The following GRIN3B variants were observed in gnomAD, a reference collection of about 807,000 sequenced individuals.
The protein encoded by GRIN3B is glutamate receptor ionotropic, NMDA 3B.
A neutral mutation model predicts 66.0 loss-of-function variants in GRIN3B; 77 were observed. The ratio of observed to expected loss-of-function variants is 1.17; its 90% CI spans 0.97 to 1.41. The LOEUF (loss-of-function observed/expected upper bound fraction) is 1.41, where lower values mean the gene tolerates loss of function less well. GRIN3B is among the 40% of genes most tolerant of loss of function. The pLI is 0.00. For synonymous variants in GRIN3B, 823 were observed against 749.7 expected (o/e 1.10, Z -1.60); for missense variants, 1,787 against 1,564.5 (o/e 1.14, Z -2.40).
Position 1,005,330 on chromosome 19 carries a change from G to C in GRIN3B, c.1829G>C (p.Arg610Pro). 3.7e-6 allele frequency: 6 copies of C among 1,613,760 alleles called. No individual in the cohort carries two copies. The highest frequency in any genetic ancestry group is 5.1e-6 in the Non-Finnish European group (6 of 1,180,010). The change falls in exon 3 of 9, where the codon CGC (arginine) becomes CCC (proline). Residue 610 changes from arginine (R) to proline (P), a missense_variant. Coordinates refer to ENST00000234389, the MANE Select transcript of GRIN3B (RefSeq NM_138690.3). The surrounding 1 kb of genome is among the most constrained non-coding windows in gnomAD (Gnocchi z 5.2). ...PYGLTPRGRNRSTVFSYSSAL... is the reference protein window; with the variant it reads ...PYGLTPRGRNPSTVFSYSSAL... The stretch of plus-strand genomic sequence containing the variant: ...GGCCTCACGCCACGTGGCCGCAACC[G>C]CAGCACCGTCTTCTCCTACTCCTCA...
intron 2 of GRIN3B, 141 bp from the exon 3 acceptor site, chr19:1,004,380 T>C: frequency 1.4e-6 from 1 of 729,114 alleles, no homozygotes. Context: ...GGACTAGGCT[T>C]GGGGACACCA....
rs762646437 is a variant in GRIN3B, at chr19:1,008,235, CACG to C, written c.2413_2415del (p.Asp805del). 1.9e-5 allele frequency: 31 copies of C among 1,612,416 alleles called. No individual in the cohort carries two copies. The highest frequency in any genetic ancestry group is 4.0e-5 in the African/African-American group (3 of 74,726). ...GTCCTCCGGCTTCATCGACCTGCTC[CACG>C]ACAAGTGGTACAAGATGGTGCCTTG... On this transcript the variant is annotated inframe_deletion, in exon 6 of 9. Transcript: ENST00000234389.
In GRIN3B at chr19:1,009,432, C is replaced by T; in HGVS notation, c.2962C>T (p.Arg988Cys). The T allele has an allele frequency of 2.1e-6, 3 of 1,456,110 alleles. No homozygotes were observed. Among genetic ancestry groups the T allele is most frequent in the Non-Finnish European group, 2.7e-6 (3 of 1,110,762 alleles). 90.2% of individuals were successfully genotyped at this position (1,456,110 alleles called of 1,614,324 possible). ...GCCCGGGGAGCTGCAGGAGCTGGAG[C>T]GCCGCATCGAAGTCGCGCGTGAGCG... ...PQPGELQELE[R>C]RIEVARERLR... is the part of the protein sequence containing the mutation. The change falls in exon 9 of 9, where the codon CGC becomes TGC. Residue 988 changes from arginine to cysteine, a missense_variant. Coordinates refer to ENST00000234389, the MANE Select transcript of GRIN3B (RefSeq NM_138690.3).
In GRIN3B at chr19:1,009,479, G is replaced by C. The variant is rs766200901; in HGVS notation, c.3009G>C (p.Arg1003=). The C allele has an allele frequency of 6.7e-7, 1 of 1,489,390 alleles. No homozygotes were observed. Among genetic ancestry groups the C allele is most frequent in the African/African-American group, 1.5e-5 (1 of 68,576 alleles). 92.3% of individuals were successfully genotyped at this position (1,489,390 alleles called of 1,614,324 possible). ...ARERLRQALV[R]RGQLLAQLGD... ...AGCGGCTCCGCCAGGCCCTGGTGCG[G>C]CGCGGCCAGCTCCTGGCACAGCTCG... The change falls in exon 9 of 9, where the codon CGG becomes CGC. Residue 1003 remains arginine (R), a synonymous_variant. Coordinates refer to ENST00000234389, the MANE Select transcript of GRIN3B (RefSeq NM_138690.3).
rs147118824 is a variant in GRIN3B, at chr19:1,005,415, G to C, written c.1914G>C (p.Lys638Asn). Residue 638 changes from lysine to asparagine, a missense_variant, in exon 3 of 9, where the codon AAG becomes AAC. Lys to Asn is a moderately conservative substitution (Grantham distance 94). Transcript: ENST00000234389. This position sits in a 1 kb window ranked among gnomAD's most constrained non-coding sequence, Gnocchi z 5.2. ...GCACCGTGTCCAGCAAGACGCCCAA[G>C]TGCCCCACGGGCCGCCTGCTCATGA... ...FRRTVSSKTP[K>N]CPTGRLLMNL... is the part of the protein sequence containing the mutation. 1.2e-5 allele frequency: 19 copies of C among 1,613,690 alleles called. No homozygotes were observed. Among genetic ancestry groups the C allele is most frequent in the Middle Eastern group, 3.3e-4 (2 of 6,062 alleles).
chr19:1,004,401 C>T lies in GRIN3B; in HGVS notation c.1020-120C>T, dbSNP rs115279112. On this transcript the variant is annotated intron_variant, in intron 2 of 8. Transcript: ENST00000234389. Reference sequence around the variant, plus strand: ...GGCTTGGGGACACCAGGAGCGTCCACGTTTGTCCTCATGATACGGACAAGA... The same window carrying T: ...GGCTTGGGGACACCAGGAGCGTCCATGTTTGTCCTCATGATACGGACAAGA... 1.7e-3 allele frequency: 1,441 copies of T among 868,800 alleles called. 15 individuals carry two copies. The African/African-American group carries it at 0.021, about 13-fold the overall frequency. 53.8% of individuals were successfully genotyped at this position (868,800 alleles called of 1,614,324 possible).
Position 1,009,184 on chromosome 19 carries a change from TGGA to T in GRIN3B, c.2716_2718del (p.Glu906del). ...GGTTCCGTCCCCAGCGGCCCCGAGG[TGGA>T]GCAGCAGCAGCAGCAGCAGGACCAG... On this transcript the variant is annotated inframe_deletion, in exon 9 of 9. Transcript: ENST00000234389. 2 of 1,471,634 alleles carry T rather than the reference TGGA, an allele frequency of 1.4e-6. No homozygotes were observed. Among genetic ancestry groups the T allele is most frequent in the South Asian group, 1.3e-5 (1 of 74,490 alleles). The allele number at this position is 1,471,634 out of a possible 1,614,324, so 91.2% of individuals were successfully genotyped here.
rs370586596 is a variant in GRIN3B at position 1,004,695 on chromosome 19, G to C, written c.1194G>C (p.Pro398=). ...GGGACGGCCAGCTGGACTTGGAACC[G>C]GGAGGTGCCTCTGCACGGCCCCCGC... ...SWRDGQLDLE[P]GGASARPPPP... is the part of the protein sequence containing the mutation. The change falls in exon 3 of 9, where the codon CCG becomes CCC. Residue 398 remains proline, a synonymous_variant. Transcript: ENST00000234389. 1.2e-6 allele frequency: 2 copies of C among 1,602,962 alleles called. No individual in the cohort carries two copies. The highest frequency in any genetic ancestry group is 1.7e-6 in the Non-Finnish European group (2 of 1,174,526).
chr19:1,007,817 G>C lies in GRIN3B; in HGVS notation c.2199-39G>C. On this transcript the variant is annotated intron_variant, in intron 4 of 8. Coordinates refer to ENST00000234389, the MANE Select transcript of GRIN3B (RefSeq NM_138690.3). The surrounding 1 kb of genome is among the most constrained non-coding windows in gnomAD (Gnocchi z 4.4). Reference sequence around the variant, plus strand: ...TGAGGCGGGGGCGGGGCGTGGGGTGGGCGGGGCGATGGCTGACCCCCGCCC... The same window carrying C: ...TGAGGCGGGGGCGGGGCGTGGGGTGCGCGGGGCGATGGCTGACCCCCGCCC... 1 of 1,546,838 alleles carries C rather than the reference G, an allele frequency of 6.5e-7. No homozygotes were observed. The highest frequency in any genetic ancestry group is 8.7e-7 in the Non-Finnish European group (1 of 1,145,736).
At position 1,007,914 on chromosome 19, in the gene GRIN3B, G is replaced by T. The variant is rs2038774400; in HGVS notation, c.2257G>T (p.Val753Phe). 1 of 1,611,912 alleles carries T rather than the reference G, an allele frequency of 6.2e-7. No homozygotes were observed. The highest frequency in any genetic ancestry group is 1.3e-5 in the African/African-American group (1 of 74,854). ...GGACAAGTCGCTCCTGGACTACGAGGTCTCCATCGACGCCGACTGCAAACT... is the reference window on the plus strand; with the variant it reads ...GGACAAGTCGCTCCTGGACTACGAGTTCTCCATCGACGCCGACTGCAAACT... ...IMDKSLLDYE[V>F]SIDADCKLLT... The change falls in exon 5 of 9, where the codon GTC becomes TTC. Residue 753 changes from valine to phenylalanine, a missense_variant. Transcript: ENST00000234389. The surrounding 1 kb of genome is among the most constrained non-coding windows in gnomAD (Gnocchi z 4.4).
chr19:1,005,655 C>T lies in GRIN3B; in HGVS notation c.2052+102C>T. The T allele has an allele frequency of 4.7e-6, 4 of 851,756 alleles. No homozygotes were observed. Among genetic ancestry groups the T allele is most frequent in the Non-Finnish European group, 3.6e-6 (2 of 560,374 alleles). 52.8% of individuals were successfully genotyped at this position (851,756 alleles called of 1,614,324 possible). ...TGGTCAGCTGGACGTGGAGGACGTC[C>T]ACTAGGCCAACTCTGGTCCCAAGAG... On this transcript the variant is annotated intron_variant, in intron 3 of 8. Coordinates refer to ENST00000234389, the MANE Select transcript of GRIN3B (RefSeq NM_138690.3). This position sits in a 1 kb window ranked among gnomAD's most constrained non-coding sequence, Gnocchi z 5.2.
rs1166271837 is a variant in GRIN3B, at chr19:1,005,731, G to A, written c.2052+178G>A. On this transcript the variant is annotated intron_variant, in intron 3 of 8. Transcript: ENST00000234389. The surrounding 1 kb of genome is among the most constrained non-coding windows in gnomAD (Gnocchi z 5.2). Reference sequence around the variant, plus strand: ...TTAAAGAAAAATAGCCGGGCGCGGTGGCTCACGCCTGTAATCCCAGCACTT... The same window carrying A: ...TTAAAGAAAAATAGCCGGGCGCGGTAGCTCACGCCTGTAATCCCAGCACTT... Among the ~76,000 whole-genome samples, 2 of 152,282 alleles carry A rather than the reference G, an allele frequency of 1.3e-5. No homozygotes were observed. Among genetic ancestry groups the A allele is most frequent in the African/African-American group, 4.8e-5 (2 of 41,560 alleles).
Position 1,003,371 on chromosome 19 carries a change from C to T in GRIN3B, c.668C>T (p.Ala223Val), listed in dbSNP as rs368329479. Residue 223 changes from alanine (A) to valine (V), a missense_variant, in exon 2 of 9, where the codon GCG becomes GTG. Coordinates refer to ENST00000234389, the MANE Select transcript of GRIN3B (RefSeq NM_138690.3). ...AGLRARLAPM[A>V]APVGGEAPVP... ...CTGCGGGCACGCCTGGCCCCGATGG[C>T]GGCGCCAGTGGGGGGTGAAGCACCG... 264 of 1,570,948 alleles carry T rather than the reference C, an allele frequency of 1.7e-4. No homozygotes were observed. The highest frequency in any genetic ancestry group is 2.7e-4 in the African/African-American group (20 of 73,760).
intron 6 of GRIN3B, 112 bp from the exon 7 acceptor site, chr19:1,008,506 C>A: frequency 7.7e-7 from 1 of 1,301,164 alleles, no homozygotes; most frequent in Non-Finnish European, 1.1e-6. Flanking sequence ...CCCAACCTGG[C>A]TCCACTGCCC....
At chr19:1,002,836 A>C in intron 1 of GRIN3B, 1 of 320,470 alleles carries the variant, frequency 3.1e-6, no homozygotes. Flanking sequence ...TGGTGGGCAT[A>C]GAGAGAGAAA....
intron 1 of GRIN3B, 93 bp downstream of exon 1, chr19:1,000,956 C>T: frequency 8.0e-7 from 1 of 1,246,296 alleles, no homozygotes. Context: ...ATGGGGGTGC[C>T]GGGACTACGC....
Position 1,007,693 on chromosome 19 carries a change from C to A in GRIN3B, c.2118C>A (p.Ile706=). ...TVWESSAEAY[I]KKSFPDMHAH... is the part of the protein sequence containing the mutation. Reference sequence around the variant, plus strand: ...GGGAGAGCAGCGCCGAGGCGTACATCAAGAAGAGCTTCCCCGACATGCACG... The same window carrying A: ...GGGAGAGCAGCGCCGAGGCGTACATAAAGAAGAGCTTCCCCGACATGCACG... The change falls in exon 4 of 9, where the codon ATC becomes ATA. Residue 706 remains isoleucine, a synonymous_variant. Transcript: ENST00000234389. The surrounding 1 kb of genome is among the most constrained non-coding windows in gnomAD (Gnocchi z 4.4). 1.3e-6 allele frequency: 2 copies of A among 1,537,600 alleles called. No individual in the cohort carries two copies. Among genetic ancestry groups the A allele is most frequent in the African/African-American group, 1.4e-5 (1 of 71,996 alleles).
intron 2 of GRIN3B, 92 bp downstream of exon 2, chr19:1,003,814 C>A (rs928556964): frequency 2.9e-5 from 28 of 971,182 alleles, no homozygotes; most frequent in Non-Finnish European, 3.7e-5. Context: ...AGGCCAGACG[C>A]GGTGGCTCAC....
chr19:1,008,551 T>C lies in GRIN3B; in HGVS notation c.2467-67T>C. 6 of 1,539,238 alleles carry C rather than the reference T, an allele frequency of 3.9e-6. No homozygotes were observed. The South Asian group carries it at 5.9e-5, about 15-fold the overall frequency. ...CTCTCTGGCCCAACCTGTTCTCCCC[T>C]AGTTCAAGGCTCCCCAGGGGCCTGC... is the stretch of plus-strand genomic sequence containing the variant. On this transcript the variant is annotated intron_variant, in intron 6 of 8. Coordinates refer to ENST00000234389, the MANE Select transcript of GRIN3B (RefSeq NM_138690.3).
Sources: gnomAD v4.1 joint callset for allele counts (sites outside exome capture counted in the v4.1 genomes callset) on GRCh38, gnomAD v4.1.1 for gene constraint, Gnocchi (gnomAD v3.1) non-coding constraint, MANE v1.5 for transcripts, NCBI Gene and HGNC (gene_info 2026-07-23, HGNC 2026-07-21) for gene names.